The following ADAMTS17 variants were observed in gnomAD, a reference collection of about 807,000 sequenced individuals.
The protein encoded by ADAMTS17 is A disintegrin and metalloproteinase with thrombospondin motifs 17.
In ADAMTS17, 113 loss-of-function variants were observed where a neutral mutation model predicts 141.5. The ratio of observed to expected loss-of-function variants is 0.80; its 90% CI spans 0.69 to 0.93. The LOEUF (loss-of-function observed/expected upper bound fraction) is 0.93, where lower values mean the gene tolerates loss of function less well. ADAMTS17 is among the 40% of genes least tolerant of loss of function. The pLI is 0.00. For synonymous variants in ADAMTS17, 768 were observed against 630.6 expected, an observed-to-expected ratio of 1.22 and a Z score of -3.27; for missense variants, 1,659 against 1,517.9, an observed-to-expected ratio of 1.09 and a Z score of -1.54.
chr15:100,214,294 G>A (rs138742727), intron 7 of ADAMTS17, among the ~76,000 whole-genome samples: 117 of 152,232 alleles, frequency 7.7e-4, no homozygotes, highest in African/African-American at 2.6e-3. Flanking sequence ...TATGCTCATC[G>A]CACATTATCT....
intron 7 of ADAMTS17, among the ~76,000 whole-genome samples, chr15:100,214,034 G>C (rs538782467): frequency 2.6e-5 from 4 of 152,212 alleles, no homozygotes; most frequent in Non-Finnish European, 5.9e-5. Context: ...GACTAGTTAC[G>C]GAGAGTGAGG....
At chr15:100,123,778 T>C (rs1472346804) in intron 12 of ADAMTS17, among the ~76,000 whole-genome samples, 1 of 152,056 alleles carries the variant, frequency 6.6e-6, no homozygotes, top group East Asian at 1.9e-4. Context: ...AGAGAAGAAA[T>C]GTAGCGTGCA....
chr15:100,166,751 G>C (rs1037568515), intron 8 of ADAMTS17, among the ~76,000 whole-genome samples: 38 of 152,228 alleles, frequency 2.5e-4, no homozygotes, highest in African/African-American at 8.9e-4. Flanking sequence ...TTCCAATCTA[G>C]AAGGGAATAA....
intron 9 of ADAMTS17, among the ~76,000 whole-genome samples, chr15:100,153,243 T>G (rs1404645796): frequency 6.6e-6 from 1 of 152,238 alleles, no homozygotes; most frequent in African/African-American, 2.4e-5. Context: ...GGTGTCTCAC[T>G]TGACCACGCT....
At chr15:100,147,242 C>A (rs915077997) in intron 10 of ADAMTS17, among the ~76,000 whole-genome samples, 1 of 152,124 alleles carries the variant, frequency 6.6e-6, no homozygotes, top group East Asian at 1.9e-4. Flanking sequence ...CCCCTTATTT[C>A]TCAAACCAGC....
At chr15:100,078,423 A>G (rs536261515) in intron 15 of ADAMTS17, among the ~76,000 whole-genome samples, 1 of 144,856 alleles carries the variant, frequency 6.9e-6, no homozygotes, top group Non-Finnish European at 1.5e-5. Context: ...TAGAGTCCAG[A>G]AAACAATTTT....
At chr15:100,005,830 T>C (rs1026892760) in intron 18 of ADAMTS17, among the ~76,000 whole-genome samples, 2 of 152,094 alleles carry the variant, frequency 1.3e-5, no homozygotes, top group African/African-American at 2.4e-5. Context: ...TCCAAAACCA[T>C]GGTGTCAGTG....
chr15:99,993,260 C>CTA lies in ADAMTS17; in HGVS notation c.2797-62_2797-61dup. 1.2e-6 allele frequency: 2 copies of CTA among 1,605,066 alleles called. No individual in the cohort carries two copies. Among genetic ancestry groups the CTA allele is most frequent in the Non-Finnish European group, 1.7e-6 (2 of 1,173,612 alleles). The stretch of plus-strand genomic sequence containing the variant: ...CAATTCGATTCAAGTCCATCAACAG[C>CTA]TATTAACTCCCTCCAATGTGCCAGG... On this transcript the variant is annotated intron_variant, in intron 19 of 21. Coordinates refer to ENST00000268070, the MANE Select transcript of ADAMTS17 (RefSeq NM_139057.4). This position sits in a 1 kb window ranked among gnomAD's most constrained non-coding sequence, Gnocchi z 4.3.
chr15:100,310,773 G>A (rs1421517506), intron 3 of ADAMTS17, among the ~76,000 whole-genome samples: 2 of 152,118 alleles, frequency 1.3e-5, no homozygotes, highest in African/African-American at 2.4e-5. Context: ...CCATCCAAAC[G>A]CCACGGCAGG....
At chr15:100,248,541 T>C (rs77983606) in intron 7 of ADAMTS17, among the ~76,000 whole-genome samples, 6,885 of 152,248 alleles carry the variant, frequency 0.045, 342 homozygotes, top group African/African-American at 0.12. Context: ...CAACAGTGGC[T>C]GGAAAGCAGA....
At chr15:100,140,452 GACACACAC>G (rs140696533) in intron 10 of ADAMTS17, among the ~76,000 whole-genome samples, 1 of 131,920 alleles carries the variant, frequency 7.6e-6, no homozygotes, top group African/African-American at 2.7e-5. Flanking sequence ...CTAACTCCAA[GACACACAC>G]ACACACACAG....
intron 18 of ADAMTS17, among the ~76,000 whole-genome samples, chr15:100,037,637 G>A (rs1567701479): frequency 1.3e-5 from 2 of 152,086 alleles, no homozygotes; most frequent in Non-Finnish European, 1.5e-5. Context: ...TTGAACTCCT[G>A]AGCTCAGGAG....
chr15:100,273,220 G>C (rs1263932499), intron 4 of ADAMTS17, among the ~76,000 whole-genome samples: 1 of 152,094 alleles, frequency 6.6e-6, no homozygotes, highest in Non-Finnish European at 1.5e-5. Context: ...CACAGAATGA[G>C]TTAGGAAGTG....
intron 15 of ADAMTS17, among the ~76,000 whole-genome samples, chr15:100,068,520 A>G (rs1440378129): frequency 4.6e-5 from 7 of 152,174 alleles, no homozygotes; most frequent in Non-Finnish European, 8.8e-5. Flanking sequence ...GCAGACTGAC[A>G]CCTCACACAG....
chr15:100,300,787 C>T (rs954444275), intron 3 of ADAMTS17, among the ~76,000 whole-genome samples: 9 of 152,228 alleles, frequency 5.9e-5, no homozygotes, highest in Non-Finnish European at 8.8e-5. Context: ...GCCTCTGGAA[C>T]ATGCTGCAGC....
intron 14 of ADAMTS17, among the ~76,000 whole-genome samples, chr15:100,098,530 A>T (rs929981001): frequency 6.6e-6 from 1 of 151,886 alleles, no homozygotes. Flanking sequence ...ACCTATGGTG[A>T]CACGCACCTG....
chr15:100,330,911 C>T lies in ADAMTS17; in HGVS notation c.594G>A (p.Glu198=). The change falls in exon 3 of 22, where the codon GAG becomes GAA. Residue 198 remains glutamate, a synonymous_variant. Coordinates refer to ENST00000268070, the MANE Select transcript of ADAMTS17 (RefSeq NM_139057.4). Reference sequence around the variant, plus strand: ...CACCTGTTAGAACCTTGCAGAGCTGCTCAGGTCTCTGGGCCTCAGCAGAAG... The same window carrying T: ...CACCTGTTAGAACCTTGCAGAGCTGTTCAGGTCTCTGGGCCTCAGCAGAAG... The part of the protein sequence containing the change: ...PSPSAEAQRP[E]QLCKVLTEKK... 4 of 1,614,166 alleles carry T rather than the reference C, an allele frequency of 2.5e-6. No individual in the cohort carries two copies. The highest frequency in any genetic ancestry group is 3.4e-6 in the Non-Finnish European group (4 of 1,180,028).
intron 8 of ADAMTS17, among the ~76,000 whole-genome samples, chr15:100,155,658 T>C (rs1377524909): frequency 6.6e-6 from 1 of 152,254 alleles, no homozygotes; most frequent in East Asian, 1.9e-4. Flanking sequence ...TTTTCTTACA[T>C]TAAATATTCC....
chr15:100,044,806 GAT>G (rs2031547850), intron 18 of ADAMTS17, among the ~76,000 whole-genome samples: 1 of 131,720 alleles, frequency 7.6e-6, no homozygotes, highest in Admixed American at 8.0e-5. Flanking sequence ...ATATAATTTG[GAT>G]TTTTTTTTTT....
Sources: gnomAD v4.1 joint callset for allele counts (sites outside exome capture counted in the v4.1 genomes callset) on GRCh38, gnomAD v4.1.1 for gene constraint, Gnocchi (gnomAD v3.1) non-coding constraint, MANE v1.5 for transcripts, NCBI Gene and HGNC (gene_info 2026-07-23, HGNC 2026-07-21) for gene names.